Variants in SHISA9 observed in about 807,000 individuals in gnomAD.
The protein encoded by SHISA9 is protein shisa-9.
Under a neutral mutation model 38.0 loss-of-function variants are expected in SHISA9, and 13 were observed. That is an observed-to-expected ratio of 0.34 (90% CI 0.22 to 0.54). The LOEUF is 0.54. SHISA9 is among the 20% of genes least tolerant of loss of function. SHISA9 has a pLI of 0.91. For synonymous variants in SHISA9, 275 were observed against 242.0 expected (o/e 1.14, Z -1.27); for missense variants, 538 against 575.8 (o/e 0.93, Z 0.67).
the SHISA9 span, among the ~76,000 whole-genome samples, chr16:13,461,569 A>C: frequency 6.8e-6 from 1 of 146,924 alleles, no homozygotes; most frequent in Non-Finnish European, 1.5e-5. Context: ...ACAAGAGCAA[A>C]ACTCCCTCTC....
the SHISA9 span, among the ~76,000 whole-genome samples, chr16:13,365,616 C>T: frequency 6.6e-6 from 1 of 151,994 alleles, no homozygotes; most frequent in African/African-American, 2.4e-5. Flanking sequence ...ACCACCACGC[C>T]TGGCTAATTT....
intron 2 of SHISA9, among the ~76,000 whole-genome samples, chr16:12,946,683 G>A (rs2071692195): frequency 2.0e-5 from 3 of 152,236 alleles, no homozygotes; most frequent in African/African-American, 7.2e-5. Context: ...TCTGGCTGGA[G>A]GTTGGGGGCC....
At chr16:13,174,609 G>A (rs1308862277) in intron 2 of SHISA9, among the ~76,000 whole-genome samples, 1 of 152,236 alleles carries the variant, frequency 6.6e-6, no homozygotes, top group African/African-American at 2.4e-5. Context: ...ACTGGGGATG[G>A]AGGGATGAGG....
At chr16:13,394,282 C>G in the SHISA9 span, among the ~76,000 whole-genome samples, 1 of 152,176 alleles carries the variant, frequency 6.6e-6, no homozygotes, top group African/African-American at 2.4e-5. Flanking sequence ...TCTACAAACC[C>G]ATAAGCAGCG....
the SHISA9 span, among the ~76,000 whole-genome samples, chr16:13,462,370 TC>T: frequency 6.6e-6 from 1 of 152,140 alleles, no homozygotes; most frequent in East Asian, 1.9e-4. Flanking sequence ...TAAAAAAAGT[TC>T]AGGAAACTAA....
intron 2 of SHISA9, among the ~76,000 whole-genome samples, chr16:13,200,856 C>T (rs1012751842): frequency 7.4e-6 from 1 of 135,528 alleles, no homozygotes; most frequent in Non-Finnish European, 1.6e-5. Flanking sequence ...TGTCCCTAAC[C>T]TCATGCCTCA....
At chr16:13,017,462 A>G (rs2072771662) in intron 2 of SHISA9, among the ~76,000 whole-genome samples, 2 of 152,180 alleles carry the variant, frequency 1.3e-5, no homozygotes, top group Admixed American at 6.5e-5. Flanking sequence ...TTGTTAAGCA[A>G]TTTGCTGAAA....
chr16:13,061,013 TG>T (rs1252926126), intron 2 of SHISA9, among the ~76,000 whole-genome samples: 4 of 152,154 alleles, frequency 2.6e-5, no homozygotes, highest in African/African-American at 7.2e-5. Flanking sequence ...GTGCATGGTA[TG>T]GGGATCGGGG....
the SHISA9 span, among the ~76,000 whole-genome samples, chr16:13,384,225 A>T: frequency 6.6e-6 from 1 of 152,224 alleles, no homozygotes; most frequent in Admixed American, 6.5e-5. Flanking sequence ...ATGGGATTAG[A>T]GGCCACCCAG....
chr16:13,282,964 T>C, the SHISA9 span, among the ~76,000 whole-genome samples: 1 of 152,168 alleles, frequency 6.6e-6, no homozygotes, highest in Non-Finnish European at 1.5e-5. Context: ...AATCTTTGTC[T>C]GCTTAGCGTC....
At chr16:13,355,410 GT>G in the SHISA9 span, among the ~76,000 whole-genome samples, 1 of 151,722 alleles carries the variant, frequency 6.6e-6, no homozygotes. Flanking sequence ...ATACTTGTGG[GT>G]TAAGGTGGGG....
chr16:13,009,089 T>A (rs2072638508), intron 2 of SHISA9, among the ~76,000 whole-genome samples: 2 of 145,234 alleles, frequency 1.4e-5, no homozygotes, highest in South Asian at 2.1e-4. Flanking sequence ...AGAGAGAGAG[T>A]GTGTGTGTAT....
intron 2 of SHISA9, among the ~76,000 whole-genome samples, chr16:13,026,426 C>G (rs1033201722): frequency 6.6e-6 from 1 of 152,202 alleles, no homozygotes; most frequent in Non-Finnish European, 1.5e-5. Context: ...AGGCTGAATA[C>G]TATTCCATTG....
chr16:12,935,276 T>G (rs1466223444), intron 2 of SHISA9, among the ~76,000 whole-genome samples: 1 of 152,148 alleles, frequency 6.6e-6, no homozygotes, highest in Non-Finnish European at 1.5e-5. Context: ...AAATTCCATC[T>G]CCTCTCTGAT....
At chr16:13,550,987 T>G in the SHISA9 span, among the ~76,000 whole-genome samples, 10 of 152,000 alleles carry the variant, frequency 6.6e-5, no homozygotes, top group South Asian at 6.2e-4. Flanking sequence ...GCCGGGCATG[T>G]TGGTGGGTGC....
the SHISA9 span, among the ~76,000 whole-genome samples, chr16:13,455,471 G>C: frequency 6.6e-6 from 1 of 152,200 alleles, no homozygotes; most frequent in Non-Finnish European, 1.5e-5. Context: ...GAAAAAAAGT[G>C]ACACAAATGT....
intron 4 of SHISA9, among the ~76,000 whole-genome samples, chr16:13,217,209 T>C (rs1382840456): frequency 6.7e-6 from 1 of 150,198 alleles, no homozygotes; most frequent in Non-Finnish European, 1.5e-5. Flanking sequence ...ACCCGGGAGG[T>C]GGAGCTTGCA....
At chr16:13,367,712 G>GCGCGCACA in the SHISA9 span, among the ~76,000 whole-genome samples, 531 of 104,676 alleles carry the variant, frequency 5.1e-3, 3 homozygotes, top group East Asian at 0.032. Context: ...GCGCGCGCGC[G>GCGCGCACA]CACACACACA....
At chr16:13,416,833 GAGAAAGAA>G in the SHISA9 span, among the ~76,000 whole-genome samples, 2 of 146,638 alleles carry the variant, frequency 1.4e-5, no homozygotes, top group African/African-American at 5.0e-5. Flanking sequence ...AAGGAAGGAA[GAGAAAGAA>G]AGAAAGAGAG....
Sources: allele counts gnomAD v4.1 joint callset (sites outside exome capture counted in the v4.1 genomes callset), GRCh38; gene constraint gnomAD v4.1.1; transcripts MANE v1.5; gene names NCBI Gene and HGNC (gene_info 2026-07-23, HGNC 2026-07-21).